MCOLN3: variants seen among roughly 807,000 people sequenced by gnomAD.
MCOLN3 encodes mucolipin TRP cation channel 3.
Under a neutral mutation model 69.4 loss-of-function variants are expected in MCOLN3, and 62 were observed. The observed-to-expected ratio is 0.89, with a 90% CI of 0.73 to 1.10. The LOEUF (loss-of-function observed/expected upper bound fraction) is 1.10. MCOLN3 is among the 50% of genes least tolerant of loss of function. The pLI, the probability that MCOLN3 is intolerant of heterozygous loss-of-function variation, is 0.00. For missense variants in MCOLN3, 564 were observed against 656.4 expected, an observed-to-expected ratio of 0.86 and a Z score of 1.54; for synonymous variants, 183 against 217.0, an observed-to-expected ratio of 0.84 and a Z score of 1.38.
chr1:85,044,800 T>C (rs972254434), intron 2 of MCOLN3, among the ~76,000 whole-genome samples: 4 of 152,236 alleles, frequency 2.6e-5, no homozygotes, highest in African/African-American at 9.6e-5. Flanking sequence ...AAAGTCCTAA[T>C]GTTGGACAAC....
chr1:85,039,112 T>A (rs113183500), intron 3 of MCOLN3, among the ~76,000 whole-genome samples: 34 of 145,806 alleles, frequency 2.3e-4, no homozygotes, highest in African/African-American at 9.6e-4. Flanking sequence ...AAAACCCTAC[T>A]TATTCATAAA....
chr1:85,028,815 G>A (rs755855372), intron 7 of MCOLN3, among the ~76,000 whole-genome samples: 6 of 152,120 alleles, frequency 3.9e-5, no homozygotes, highest in South Asian at 2.1e-4. Flanking sequence ...GCATGCACTC[G>A]GTAAGTGTTG....
rs1366460300 is a variant in MCOLN3 at position 85,045,140 on chromosome 1, G to A, written c.221C>T (p.Thr74Ile). 1 of 1,612,992 alleles carries A rather than the reference G, an allele frequency of 6.2e-7. No homozygotes were observed. The change falls in exon 2 of 13, where the codon ACT becomes ATT. Residue 74 changes from threonine to isoleucine, a missense_variant. Thr to Ile is a moderately conservative substitution (Grantham distance 89). Transcript: ENST00000370589. ...ATGATCTGAGATGCTTACCTGGATA[G>A]TCACCATTGCAATTTTTAGAATTTG... is the stretch of plus-strand genomic sequence containing the variant. ...AIQILKIAMV[T>I]IQLVLFGLSN...
chr1:85,044,510 C>G (rs892316813), intron 2 of MCOLN3, among the ~76,000 whole-genome samples: 1 of 152,078 alleles, frequency 6.6e-6, no homozygotes, highest in Non-Finnish European at 1.5e-5. Context: ...TAAATCACAA[C>G]CAGTATATAT....
Position 85,040,996 on chromosome 1 carries a change from C to T in MCOLN3, c.396+14G>A. 6.2e-7 allele frequency: 1 copy of T among 1,610,804 alleles called. No homozygotes were observed. Among genetic ancestry groups the T allele is most frequent in the Non-Finnish European group, 8.5e-7 (1 of 1,179,028 alleles). ...TTCTTTTTCCCAAGTAAATAATGCA[C>T]ACACTTGATTTACCTGGTTTACTGC... On this transcript the variant is annotated intron_variant, in intron 3 of 12. Coordinates refer to ENST00000370589, the MANE Select transcript of MCOLN3 (RefSeq NM_018298.11).
At chr1:85,031,697 C>A (rs78998839) in intron 6 of MCOLN3, among the ~76,000 whole-genome samples, 5,624 of 152,110 alleles carry the variant, frequency 0.037, 195 homozygotes, top group East Asian at 0.19. Context: ...GAATGAAGCA[C>A]ACTGGAAATG....
chr1:85,019,076 T>C lies in MCOLN3; in HGVS notation c.*47A>G. 6.3e-7 allele frequency: 1 copy of C among 1,578,530 alleles called. No homozygotes were observed. Among genetic ancestry groups the C allele is most frequent in the Non-Finnish European group, 8.7e-7 (1 of 1,154,430 alleles). On this transcript the variant is annotated 3_prime_UTR_variant, in exon 13 of 13. Coordinates refer to ENST00000370589, the MANE Select transcript of MCOLN3 (RefSeq NM_018298.11). ...CTCAGAATATCCACAGTGTTCCAAC[T>C]CAGCTACACATTATATTTTCCTCTA...
Position 85,034,210 on chromosome 1 carries a change from A to C in MCOLN3, c.438T>G (p.Tyr146Ter). The C allele has an allele frequency of 1.2e-6, 2 of 1,614,180 alleles. No homozygotes were observed. The highest frequency in any genetic ancestry group is 8.5e-7 in the Non-Finnish European group (1 of 1,180,026). The change falls in exon 4 of 13, where the codon TAT (tyrosine) becomes TAG (stop). Residue 146 changes from tyrosine (Y) to a stop codon, truncating the protein, a stop_gained. Coordinates refer to ENST00000370589, the MANE Select transcript of MCOLN3 (RefSeq NM_018298.11). LOFTEE classifies it high-confidence loss of function. ...CAGATTGCTTGGTACCTTTGTTCTC[A>C]TAAGCATGATTCCCAACGGAGACAT... ...LYNVSVGNHAYENKGTKQSAM... is the reference protein window; with the variant it reads ...LYNVSVGNHA
At chr1:85,047,197 C>G (rs1240194909) in intron 1 of MCOLN3, 3 of 152,224 alleles carry the variant, frequency 2.0e-5, no homozygotes, top group African/African-American at 7.2e-5. Context: ...TAGCCACACA[C>G]CATGTACAGT....
intron 7 of MCOLN3, 97 bp from the exon 8 acceptor site, chr1:85,026,381 C>G: frequency 1.2e-6 from 1 of 842,058 alleles, no homozygotes; most frequent in Non-Finnish European, 1.9e-6. Context: ...AGCATTCTTT[C>G]TGGTAAGACA....
chr1:85,041,659 C>T (rs1653070071), intron 2 of MCOLN3, among the ~76,000 whole-genome samples: 1 of 152,014 alleles, frequency 6.6e-6, no homozygotes, highest in South Asian at 2.1e-4. Context: ...TACCTTAGGT[C>T]AGGAGTTTGA....
chr1:85,024,358 A>G (rs1652108692), intron 9 of MCOLN3, among the ~76,000 whole-genome samples: 1 of 152,322 alleles, frequency 6.6e-6, no homozygotes, highest in African/African-American at 2.4e-5. Context: ...ATGATCCCCA[A>G]GAGAAGGAAA....
Position 85,045,370 on chromosome 1 carries a change from A to T in MCOLN3, c.-2-8T>A, listed in dbSNP as rs775328351. On this transcript the variant is annotated splice_polypyrimidine_tract_variant and splice_region_variant and intron_variant, in intron 1 of 12. Transcript: ENST00000370589. ...CCTCAGGATCTGCCATCTCTAGAGG[A>T]AAAAAACAACAACAACAACAACCAA... 6.3e-7 allele frequency: 1 copy of T among 1,593,788 alleles called. No homozygotes were observed. Among genetic ancestry groups the T allele is most frequent in the East Asian group, 2.2e-5 (1 of 44,686 alleles).
rs775419157 is a variant in MCOLN3, at chr1:85,029,203, T to C, written c.735A>G (p.Ile245Met). 3.8e-6 allele frequency: 6 copies of C among 1,576,442 alleles called. No homozygotes were observed. The highest frequency in any genetic ancestry group is 3.5e-6 in the Non-Finnish European group (4 of 1,146,162). The change falls in exon 7 of 13, where the codon ATA (isoleucine) becomes ATG (methionine). Residue 245 changes from isoleucine (I) to methionine (M), a missense_variant and splice_region_variant. Ile to Met is a conservative substitution (Grantham distance 10, BLOSUM62 1). Transcript: ENST00000370589. ...CACTATGGGCCTTGTTGTCAAATGT[T>C]ATCTGTGAAGACAGGAAAACAGTCA... ...LPDCYDFTLT[I>M]TFDNKAHSGR...
At chr1:85,020,375 G>C (rs1651866692) in intron 12 of MCOLN3, among the ~76,000 whole-genome samples, 1 of 152,138 alleles carries the variant, frequency 6.6e-6, no homozygotes, top group Non-Finnish European at 1.5e-5. Flanking sequence ...AGAAAGAAAA[G>C]TCCCCAAGTG....
At position 85,019,148 on chromosome 1, in the gene MCOLN3, G is replaced by C. The variant is rs1211637461; in HGVS notation, c.1637C>G (p.Ser546Cys). The part of the protein sequence containing the change: ...KYRLEDDPPV[S>C]LFCCCKK ...CTACTTTTTACAACAGCAGAATAAA[G>C]ATACTGGAGGGTCATCTTCTAATCT... Residue 546 changes from serine to cysteine, a missense_variant, in exon 13 of 13, where the codon TCT becomes TGT. Ser to Cys is a moderately radical substitution (Grantham distance 112). Coordinates refer to ENST00000370589, the MANE Select transcript of MCOLN3 (RefSeq NM_018298.11). The C allele has an allele frequency of 1.2e-6, 2 of 1,613,542 alleles. No individual in the cohort carries two copies. Among genetic ancestry groups the C allele is most frequent in the Non-Finnish European group, 8.5e-7 (1 of 1,179,686 alleles).
At chr1:85,042,325 G>C (rs2102943313) in intron 2 of MCOLN3, among the ~76,000 whole-genome samples, 1 of 152,198 alleles carries the variant, frequency 6.6e-6, no homozygotes, top group African/African-American at 2.4e-5. Context: ...AGTAATCCAG[G>C]GTTTGATCAG....
intron 3 of MCOLN3, among the ~76,000 whole-genome samples, chr1:85,039,126 T>G (rs572702732): frequency 6.6e-6 from 1 of 152,316 alleles, no homozygotes; most frequent in Non-Finnish European, 1.5e-5. Context: ...TCATAAAAAT[T>G]TTGATCAAGA....
At chr1:85,047,283 T>C (rs1653407481) in intron 1 of MCOLN3, 1 of 152,284 alleles carries the variant, frequency 6.6e-6, no homozygotes, top group Non-Finnish European at 1.5e-5. Context: ...CCGGTAGACA[T>C]TTCATTCACC....
Sources: allele counts gnomAD v4.1 joint callset (sites outside exome capture counted in the v4.1 genomes callset), GRCh38; gene constraint gnomAD v4.1.1; transcripts MANE v1.5; gene names NCBI Gene and HGNC (gene_info 2026-07-23, HGNC 2026-07-21).